NALCN: variants seen among roughly 807,000 people sequenced by gnomAD.
NALCN encodes sodium leak channel, non-selective, also known as sodium leak channel NALCN.
Under a neutral mutation model 225.3 loss-of-function variants are expected in NALCN, and 111 were observed. That is an observed-to-expected ratio of 0.49 (90% CI 0.42 to 0.58). The LOEUF is 0.58. Among genes scored for constraint, NALCN ranks in the 20% least tolerant of loss-of-function variants. The pLI is 0.00. For synonymous variants in NALCN, 764 were observed against 769.0 expected (o/e 0.99, Z 0.11); for missense variants, 1,378 against 2,202.4 (o/e 0.63, Z 7.49).
At chr13:101,342,761 GA>G (rs2045597733) in intron 7 of NALCN, among the ~76,000 whole-genome samples, 1 of 152,130 alleles carries the variant, frequency 6.6e-6, no homozygotes, top group Non-Finnish European at 1.5e-5. Context: ...GGGACACAAA[GA>G]GGCAAAGATG....
At chr13:101,105,970 A>T (rs1566818515) in intron 22 of NALCN, among the ~76,000 whole-genome samples, 1 of 152,176 alleles carries the variant, frequency 6.6e-6, no homozygotes, top group African/African-American at 2.4e-5. Context: ...TGCTGTAACA[A>T]AGTACCACTG....
intron 15 of NALCN, among the ~76,000 whole-genome samples, chr13:101,174,248 C>A (rs1302349887): frequency 6.6e-6 from 1 of 152,062 alleles, no homozygotes; most frequent in African/African-American, 2.4e-5. Context: ...GGAATTGCTG[C>A]GTTATGATTG....
intron 15 of NALCN, 141 bp downstream of exon 15, chr13:101,176,157 CTT>C (rs1263484895): frequency 3.5e-5 from 16 of 451,860 alleles, no homozygotes; most frequent in African/African-American, 3.1e-4. Context: ...AAAAGTTAAA[CTT>C]AACACCATTT....
intron 18 of NALCN, chr13:101,116,772 CA>C (rs1232358062): frequency 2.7e-6 from 1 of 366,176 alleles, no homozygotes; most frequent in African/African-American, 2.1e-5. Flanking sequence ...ACAAGTAATT[CA>C]TTTAAAAGTA....
At chr13:101,232,025 G>T (rs9582470) in intron 12 of NALCN, among the ~76,000 whole-genome samples, 40,486 of 149,862 alleles carry the variant, frequency 0.27, 6,468 homozygotes, top group Non-Finnish European at 0.37. Context: ...ATCCCCAACG[G>T]GTACTGCTGT....
intron 13 of NALCN, among the ~76,000 whole-genome samples, chr13:101,219,125 A>G (rs1002939697): frequency 2.0e-5 from 3 of 152,194 alleles, no homozygotes; most frequent in Admixed American, 2.0e-4. Context: ...GGGAACACTG[A>G]CAATTCAAAC....
At chr13:101,294,606 A>G (rs566224464) in intron 7 of NALCN, among the ~76,000 whole-genome samples, 6 of 119,062 alleles carry the variant, frequency 5.0e-5, no homozygotes, top group East Asian at 2.4e-4. Flanking sequence ...GTCCAGGGGG[A>G]TCACTGCCTT....
At chr13:101,317,732 T>C (rs1021481748) in intron 7 of NALCN, among the ~76,000 whole-genome samples, 9 of 152,226 alleles carry the variant, frequency 5.9e-5, no homozygotes, top group African/African-American at 2.2e-4. Flanking sequence ...AGAGCCACTC[T>C]GAAAGCCTCA....
At position 101,089,817 on chromosome 13, in the gene NALCN, T is replaced by C. The variant is rs1566801004; in HGVS notation, c.3390+29A>G. The C allele has an allele frequency of 1.2e-6, 2 of 1,613,946 alleles. No individual in the cohort carries two copies. The highest frequency in any genetic ancestry group is 1.7e-6 in the Non-Finnish European group (2 of 1,179,894). On this transcript the variant is annotated intron_variant, in intron 29 of 43. Transcript: ENST00000251127. This position sits in a 1 kb window ranked among gnomAD's most constrained non-coding sequence, Gnocchi z 4.7. The stretch of plus-strand genomic sequence containing the variant: ...AAACAAATGAAAGCTGCTCTTGAAG[T>C]GTTCAAAGGATTCGATGTGCTCGCT...
At chr13:101,364,478 G>A (rs141208342) in intron 6 of NALCN, among the ~76,000 whole-genome samples, 39 of 152,216 alleles carry the variant, frequency 2.6e-4, no homozygotes, top group African/African-American at 9.4e-4. Flanking sequence ...AATAAGCCAA[G>A]CACAGAAAGA....
rs1566590808 is a variant in NALCN, at chr13:101,337,324, T to TTTA, written c.799+7941_799+7942insTAA. On this transcript the variant is annotated intron_variant, in intron 7 of 43. Coordinates refer to ENST00000251127, the MANE Select transcript of NALCN (RefSeq NM_052867.4). ...TATTTATTTATTTATTTATTTATTT[T>TTTA]TTGAGACAGAGTCTTGCTCTGTTGC... 2.0e-3 allele frequency among the ~76,000 whole-genome samples: 248 copies of TTTA among 123,434 alleles called. 2 individuals are homozygous for TTTA. Among genetic ancestry groups the TTTA allele is most frequent in the African/African-American group, 7.9e-3 (216 of 27,326 alleles). 81.0% of individuals were successfully genotyped at this position (123,434 alleles called of 152,430 possible).
intron 10 of NALCN, among the ~76,000 whole-genome samples, chr13:101,273,433 C>T (rs1182279098): frequency 6.6e-6 from 1 of 152,142 alleles, no homozygotes; most frequent in East Asian, 1.9e-4. Flanking sequence ...AACGAAGCAA[C>T]TTTCTAATCG....
rs181821639 is a variant in NALCN, at chr13:101,403,066, A to T, written c.-39-3901T>A. On this transcript the variant is annotated intron_variant, in intron 1 of 43. Coordinates refer to ENST00000251127, the MANE Select transcript of NALCN (RefSeq NM_052867.4). Reference sequence around the variant, plus strand: ...AATGTTCCCTCTTTTATATAAAAAAAAATCAGCTTCCAAACACACTGTAGG... The same window carrying T: ...AATGTTCCCTCTTTTATATAAAAAATAATCAGCTTCCAAACACACTGTAGG... 1.7e-3 allele frequency among the ~76,000 whole-genome samples: 257 copies of T among 152,302 alleles called. 3 individuals are homozygous for T. Among genetic ancestry groups the T allele is most frequent in the African/African-American group, 6.0e-3 (251 of 41,572 alleles).
chr13:101,239,913 T>G (rs1453220679), intron 11 of NALCN, among the ~76,000 whole-genome samples: 1 of 152,082 alleles, frequency 6.6e-6, no homozygotes, highest in African/African-American at 2.4e-5. Flanking sequence ...TAATCAAACT[T>G]ATTGTTGCTC....
intron 17 of NALCN, among the ~76,000 whole-genome samples, chr13:101,131,145 C>T (rs2139730124): frequency 6.6e-6 from 1 of 152,162 alleles, no homozygotes; most frequent in East Asian, 1.9e-4. Flanking sequence ...TAACTTTTCT[C>T]AGTTCTGGCA....
At chr13:101,176,475 C>A in intron 14 of NALCN, 101 bp from the exon 15 acceptor site, 2 of 691,736 alleles carry the variant, frequency 2.9e-6, no homozygotes, top group Non-Finnish European at 4.2e-6. Flanking sequence ...GTATATAATT[C>A]ATTAAATGCA....
At chr13:101,228,152 G>A (rs1251125032) in intron 13 of NALCN, among the ~76,000 whole-genome samples, 8 of 149,302 alleles carry the variant, frequency 5.4e-5, no homozygotes, top group South Asian at 2.2e-4. Context: ...AAAGGCACTC[G>A]ACAAATCCTT....
intron 7 of NALCN, among the ~76,000 whole-genome samples, chr13:101,339,803 T>C (rs74469846): frequency 0.02 from 3,078 of 152,230 alleles, 112 homozygotes; most frequent in African/African-American, 0.071. Context: ...GATCAGATTC[T>C]AGAGAGATTG....
intron 15 of NALCN, among the ~76,000 whole-genome samples, chr13:101,166,132 T>C (rs1439202555): frequency 6.6e-6 from 1 of 152,092 alleles, no homozygotes; most frequent in Admixed American, 6.5e-5. Flanking sequence ...CCACATTTTG[T>C]TTATCTATTC....
Sources: allele counts gnomAD v4.1 joint callset (sites outside exome capture counted in the v4.1 genomes callset), GRCh38; gene constraint gnomAD v4.1.1; non-coding constraint Gnocchi (gnomAD v3.1); transcripts MANE v1.5; gene names NCBI Gene and HGNC (gene_info 2026-07-23, HGNC 2026-07-21).